CSMD1: variants seen among roughly 807,000 people sequenced by gnomAD.
CSMD1 encodes CUB and Sushi multiple domains 1.
Under a neutral mutation model 417.5 loss-of-function variants are expected in CSMD1, and 213 were observed. The observed-to-expected ratio is 0.51, with a 90% CI of 0.46 to 0.57. The LOEUF (loss-of-function observed/expected upper bound fraction) is 0.57, where lower values mean the gene tolerates loss of function less well. CSMD1 is among the 20% of genes least tolerant of loss of function. The pLI is 0.00. For missense variants in CSMD1, 6,923 were observed against 4,529.7 expected, an observed-to-expected ratio of 1.53 and a Z score of -15.17; for synonymous variants, 2,862 against 1,736.8, an observed-to-expected ratio of 1.65 and a Z score of -16.11.
At chr8:3,143,453 T>C (rs1818634213) in intron 40 of CSMD1, among the ~76,000 whole-genome samples, 1 of 152,168 alleles carries the variant, frequency 6.6e-6, no homozygotes, top group African/African-American at 2.4e-5. Flanking sequence ...ATCATACTCA[T>C]CTGTGAATTA....
intron 3 of CSMD1, among the ~76,000 whole-genome samples, chr8:4,114,884 G>C (rs1278331636): frequency 1.3e-5 from 2 of 152,126 alleles, no homozygotes; most frequent in African/African-American, 2.4e-5. Context: ...TAACAGATGA[G>C]GAATTGCTTC....
At chr8:3,647,470 A>G (rs1301889733) in intron 7 of CSMD1, among the ~76,000 whole-genome samples, 2 of 152,254 alleles carry the variant, frequency 1.3e-5, no homozygotes, top group African/African-American at 2.4e-5. Context: ...AGAGAAAAAT[A>G]CAGCATAAAA....
chr8:4,176,505 T>C (rs1798048626), intron 3 of CSMD1, among the ~76,000 whole-genome samples: 1 of 152,128 alleles, frequency 6.6e-6, no homozygotes, highest in African/African-American at 2.4e-5. Context: ...ACTGGTTCTA[T>C]ACCTTCACTG....
intron 2 of CSMD1, among the ~76,000 whole-genome samples, chr8:4,499,905 A>T (rs1310437921): frequency 6.6e-6 from 1 of 152,218 alleles, no homozygotes; most frequent in African/African-American, 2.4e-5. Flanking sequence ...ATTGCCACAG[A>T]TGTGATGGCT....
chr8:3,758,498 G>A (rs1007698427), intron 5 of CSMD1, among the ~76,000 whole-genome samples: 9 of 152,140 alleles, frequency 5.9e-5, no homozygotes, highest in East Asian at 1.9e-4. Flanking sequence ...TTATTCTATC[G>A]CTGTCTACAG....
chr8:3,955,092 G>C (rs1003361896), intron 5 of CSMD1, among the ~76,000 whole-genome samples: 1 of 152,132 alleles, frequency 6.6e-6, no homozygotes, highest in African/African-American at 2.4e-5. Context: ...ATTTCTAGTG[G>C]GTGCGGGAAA....
At chr8:3,780,722 T>C (rs1306855952) in intron 5 of CSMD1, among the ~76,000 whole-genome samples, 3 of 152,242 alleles carry the variant, frequency 2.0e-5, no homozygotes, top group Non-Finnish European at 4.4e-5. Flanking sequence ...AATGCACAGA[T>C]GCTTTCCACA....
chr8:3,336,808 C>T (rs118049896), intron 23 of CSMD1, among the ~76,000 whole-genome samples: 3 of 152,166 alleles, frequency 2.0e-5, no homozygotes, highest in Non-Finnish European at 4.4e-5. Context: ...GCTTCCAGGA[C>T]AGGCACAGCT....
intron 5 of CSMD1, among the ~76,000 whole-genome samples, chr8:3,855,161 G>C (rs1364778809): frequency 6.6e-6 from 1 of 152,016 alleles, no homozygotes; most frequent in Non-Finnish European, 1.5e-5. Flanking sequence ...TTCTAATTAA[G>C]ACAAATTACT....
intron 18 of CSMD1, among the ~76,000 whole-genome samples, chr8:3,384,984 T>C (rs1478388111): frequency 8.7e-6 from 1 of 115,184 alleles, no homozygotes; most frequent in East Asian, 2.3e-4. Flanking sequence ...ATATAGCATA[T>C]ATAATACATA....
At chr8:4,155,899 G>C (rs1563197986) in intron 3 of CSMD1, among the ~76,000 whole-genome samples, 1 of 152,164 alleles carries the variant, frequency 6.6e-6, no homozygotes, top group Non-Finnish European at 1.5e-5. Flanking sequence ...TTCCCAGTAA[G>C]TGCGGGAATG....
chr8:2,940,892 AT>A (rs995696467), intron 69 of CSMD1, among the ~76,000 whole-genome samples: 14 of 152,186 alleles, frequency 9.2e-5, no homozygotes, highest in African/African-American at 3.4e-4. Context: ...GTTCCTACAT[AT>A]GTGTCTCTAT....
intron 3 of CSMD1, among the ~76,000 whole-genome samples, chr8:4,383,812 A>G (rs1251806407): frequency 2.0e-5 from 3 of 152,244 alleles, no homozygotes; most frequent in Non-Finnish European, 4.4e-5. Flanking sequence ...ATAATACCAA[A>G]TTATTGTGAA....
intron 1 of CSMD1, among the ~76,000 whole-genome samples, chr8:4,680,137 A>G (rs1805946723): frequency 6.6e-6 from 1 of 152,238 alleles, no homozygotes; most frequent in African/African-American, 2.4e-5. Flanking sequence ...AAGGACAACT[A>G]TGAATATACA....
intron 5 of CSMD1, among the ~76,000 whole-genome samples, chr8:3,935,678 T>C (rs945961584): frequency 4.6e-5 from 7 of 152,198 alleles, no homozygotes; most frequent in African/African-American, 1.4e-4. Flanking sequence ...GTGTGTGTTC[T>C]GACTGCTCCA....
intron 3 of CSMD1, among the ~76,000 whole-genome samples, chr8:4,116,039 C>T (rs961590004): frequency 4.0e-5 from 6 of 151,566 alleles, no homozygotes; most frequent in African/African-American, 1.5e-4. Context: ...CTCACTCTGT[C>T]TCCCAGGCTA....
chr8:4,553,699 A>G (rs145442359), intron 2 of CSMD1, among the ~76,000 whole-genome samples: 1 of 152,320 alleles, frequency 6.6e-6, no homozygotes, highest in East Asian at 1.9e-4. Flanking sequence ...TTAGGATTCT[A>G]GAGTGACGTT....
At chr8:4,074,532 G>C (rs749035186) in intron 3 of CSMD1, among the ~76,000 whole-genome samples, 2 of 152,024 alleles carry the variant, frequency 1.3e-5, no homozygotes, top group Non-Finnish European at 1.5e-5. Flanking sequence ...TTGAGAACAT[G>C]AGCTACCATA....
chr8:3,364,215 A>G (rs1324867649), intron 20 of CSMD1, among the ~76,000 whole-genome samples: 1 of 152,122 alleles, frequency 6.6e-6, no homozygotes, highest in Non-Finnish European at 1.5e-5. Context: ...CACAGTTTCT[A>G]GGCAAAAATC....
Sources: gnomAD v4.1 joint callset for allele counts (sites outside exome capture counted in the v4.1 genomes callset) on GRCh38, gnomAD v4.1.1 for gene constraint, MANE v1.5 for transcripts, NCBI Gene and HGNC (gene_info 2026-07-23, HGNC 2026-07-21) for gene names.